TC2N: variants seen among roughly 807,000 people sequenced by gnomAD.
TC2N encodes tandem C2 domains nuclear protein.
TC2N carries 51 observed loss-of-function variants against 61.9 expected under a neutral mutation model. That is an observed-to-expected ratio of 0.82 (90% CI 0.66 to 1.04). The LOEUF is 1.04. TC2N is among the 50% of genes least tolerant of loss of function. The probability of loss-of-function intolerance (pLI) is 0.00; values close to 1 mark genes in which losing one functional copy is unlikely to be tolerated. For synonymous variants in TC2N, 204 were observed against 192.6 expected, an observed-to-expected ratio of 1.06 and a Z score of -0.49; for missense variants, 556 against 566.7, an observed-to-expected ratio of 0.98 and a Z score of 0.19.
At chr14:91,816,976 CA>C (rs1423745301) in intron 1 of TC2N, among the ~76,000 whole-genome samples, 1 of 151,896 alleles carries the variant, frequency 6.6e-6, no homozygotes, top group African/African-American at 2.4e-5. Flanking sequence ...TCACTTTCTG[CA>C]TTTTCTTAGC....
At chr14:91,797,963 G>A (rs1380244720) in intron 7 of TC2N, 62 bp from the exon 8 acceptor site, 3 of 1,109,438 alleles carry the variant, frequency 2.7e-6, no homozygotes, top group Admixed American at 2.1e-5. Flanking sequence ...AACATTTGAT[G>A]TATTTCTTGA....
intron 1 of TC2N, among the ~76,000 whole-genome samples, chr14:91,843,043 T>A (rs1888194428): frequency 6.6e-6 from 1 of 152,104 alleles, no homozygotes; most frequent in South Asian, 2.1e-4. Context: ...CACTTAGGCC[T>A]TAAGAGACTT....
At chr14:91,856,797 A>G (rs988713923) in intron 1 of TC2N, among the ~76,000 whole-genome samples, 2 of 152,266 alleles carry the variant, frequency 1.3e-5, no homozygotes, top group South Asian at 2.1e-4. Flanking sequence ...GAGTGGCCAT[A>G]TACCCTGGCC....
Position 91,802,369 on chromosome 14 carries a change from G to T in TC2N, c.354C>A (p.Ser118=). ...ACACATCATAGCTAGGTCCGTGCTGGGATGAACTGGAAAGTTCTACCTTTC... is the reference window on the plus strand; with the variant it reads ...ACACATCATAGCTAGGTCCGTGCTGTGATGAACTGGAAAGTTCTACCTTTC... The part of the protein sequence containing the change: ...GDRKVELSSS[S]QHGPSYDVYN... The change falls in exon 4 of 12, where the codon TCC becomes TCA. Residue 118 remains serine, a synonymous_variant. Coordinates refer to ENST00000435962, the MANE Select transcript of TC2N (RefSeq NM_001128596.3). The T allele has an allele frequency of 6.2e-7, 1 of 1,612,492 alleles. No individual in the cohort carries two copies. Among genetic ancestry groups the T allele is most frequent in the African/African-American group, 1.3e-5 (1 of 74,918 alleles).
Position 91,799,026 on chromosome 14 carries a change from A to T in TC2N, c.600T>A (p.Ser200=), listed in dbSNP as rs199908493. Residue 200 remains serine, a synonymous_variant, in exon 6 of 12, where the codon TCT becomes TCA. Coordinates refer to ENST00000435962, the MANE Select transcript of TC2N (RefSeq NM_001128596.3). ...TACTCCCCTGAGAATTTTTCCTTGA[A>T]GAAGAACTACTGGGTACACTGGACA... ...DSLSSVPSSS[S]SRKNSQGSNR... 1 of 1,598,516 alleles carries T rather than the reference A, an allele frequency of 6.3e-7. No individual in the cohort carries two copies. The highest frequency in any genetic ancestry group is 8.5e-7 in the Non-Finnish European group (1 of 1,173,766).
chr14:91,844,591 G>A lies in TC2N; in HGVS notation c.-57+22671C>T, dbSNP rs367552936. ...ATCCTGGCCAACATGGTGAAACCCC[G>A]TCTCTACTAAAAATATAAAAATTAG... On this transcript the variant is annotated intron_variant, in intron 1 of 11. Coordinates refer to ENST00000435962, the MANE Select transcript of TC2N (RefSeq NM_001128596.3). Among the ~76,000 whole-genome samples, 12 of 151,804 alleles carry A rather than the reference G, an allele frequency of 7.9e-5. No individual in the cohort carries two copies. The East Asian group carries it at 1.8e-3, about 22-fold the overall frequency.
At chr14:91,813,676 T>C in intron 2 of TC2N, 27 bp downstream of exon 2, 1 of 1,495,980 alleles carries the variant, frequency 6.7e-7, no homozygotes, top group East Asian at 2.3e-5. Flanking sequence ...GCTACATAAA[T>C]GTTACTGAAG....
chr14:91,785,180 T>C lies in TC2N; in HGVS notation c.1344A>G (p.Arg448=). ...IKLYSRSSVR[R]KHFVGQIWIS... is the part of the protein sequence containing the mutation. ...TACTAACCTGGCCCACAAAGTGTTT[T>C]CTTCTTACAGAGCTTCGACTGTAAA... Residue 448 remains arginine, a synonymous_variant, in exon 11 of 12, where the codon AGA becomes AGG. Transcript: ENST00000435962. 2 of 1,613,086 alleles carry C rather than the reference T, an allele frequency of 1.2e-6. No homozygotes were observed. Among genetic ancestry groups the C allele is most frequent in the East Asian group, 2.2e-5 (1 of 44,812 alleles).
intron 1 of TC2N, among the ~76,000 whole-genome samples, chr14:91,839,451 G>T (rs1888124659): frequency 6.6e-6 from 1 of 152,162 alleles, no homozygotes; most frequent in Admixed American, 6.5e-5. Context: ...CTACATCATA[G>T]CTGTGATTAC....
intron 3 of TC2N, among the ~76,000 whole-genome samples, chr14:91,807,880 C>T (rs752613136): frequency 1.4e-4 from 22 of 152,098 alleles, no homozygotes; most frequent in Non-Finnish European, 2.6e-4. Flanking sequence ...AATTGTAGCT[C>T]CCCTAATTCC....
At chr14:91,850,182 TA>T (rs34391681) in intron 1 of TC2N, among the ~76,000 whole-genome samples, 198 of 147,456 alleles carry the variant, frequency 1.3e-3, no homozygotes, top group African/African-American at 2.8e-3. Context: ...ATCTCTTTCC[TA>T]AAAAAAAAAA....
In TC2N at chr14:91,866,437, T is replaced by C. The variant is rs541149781; in HGVS notation, c.-57+825A>G. The C allele has an allele frequency of 2.4e-4, 37 of 152,300 alleles. 1 individual carries two copies. Among genetic ancestry groups the C allele is most frequent in the African/African-American group, 7.5e-4 (31 of 41,548 alleles). 9.4% of individuals were successfully genotyped at this position (152,300 alleles called of 1,614,324 possible). On this transcript the variant is annotated intron_variant, in intron 1 of 11. Transcript: ENST00000435962. ...CTCTGAAATTGCAGTGAAATGGAAA[T>C]GCTGGCTGTCATCCCCAAAGTACAT...
chr14:91,812,648 T>C lies in TC2N; in HGVS notation c.68-103A>G, dbSNP rs1309059483. ...ATTTATTTAACCATTTTAGAAGAAATTCCTGACACATAAACTACTCTTGGG... is the reference window on the plus strand; with the variant it reads ...ATTTATTTAACCATTTTAGAAGAAACTCCTGACACATAAACTACTCTTGGG... On this transcript the variant is annotated intron_variant, in intron 2 of 11. Coordinates refer to ENST00000435962, the MANE Select transcript of TC2N (RefSeq NM_001128596.3). 4 of 605,176 alleles carry C rather than the reference T, an allele frequency of 6.6e-6. No homozygotes were observed. In the Middle Eastern group the frequency reaches 9.2e-4, roughly 139 times the overall value. 37.5% of individuals were successfully genotyped at this position (605,176 alleles called of 1,614,324 possible). A position where few individuals can be genotyped will look rare whatever the true frequency, so the allele number is the denominator to read the frequency against.
At chr14:91,812,129 G>T (rs905186560) in intron 3 of TC2N, 183 bp downstream of exon 3, 4 of 260,540 alleles carry the variant, frequency 1.5e-5, no homozygotes, top group East Asian at 1.4e-4. Context: ...ATTGTATTAT[G>T]ATCAGATTTC....
chr14:91,787,588 C>T lies in TC2N; in HGVS notation c.1087G>A (p.Ala363Thr). 1 of 1,612,232 alleles carries T rather than the reference C, an allele frequency of 6.2e-7. No homozygotes were observed. Among genetic ancestry groups the T allele is most frequent in the Non-Finnish European group, 8.5e-7 (1 of 1,179,190 alleles). Residue 363 changes from alanine (A) to threonine (T), a missense_variant, in exon 10 of 12, where the codon GCA (alanine) becomes ACA (threonine). Physicochemically the swap from Ala to Thr is moderately conservative, Grantham distance 58 (BLOSUM62 0). Transcript: ENST00000435962. Reference sequence around the variant, plus strand: ...TGTAACTGAATTCTGCTATTTACTGCTTGAAAACAAGTCCCCAATTCAAGT... The same window carrying T: ...TGTAACTGAATTCTGCTATTTACTGTTTGAAAACAAGTCCCCAATTCAAGT... Reference protein sequence around the residue: ...AELELGTCFQAVNSRIQLQIL... With the variant: ...AELELGTCFQTVNSRIQLQIL...
chr14:91,793,496 G>T (rs1885756377), intron 8 of TC2N, among the ~76,000 whole-genome samples: 1 of 152,192 alleles, frequency 6.6e-6, no homozygotes, highest in Non-Finnish European at 1.5e-5. Context: ...AAGTCTATCA[G>T]TGTCGTTTTT....
At chr14:91,842,555 T>C (rs1392529254) in intron 1 of TC2N, among the ~76,000 whole-genome samples, 4 of 152,208 alleles carry the variant, frequency 2.6e-5, no homozygotes, top group African/African-American at 9.7e-5. Flanking sequence ...CAATAGTATG[T>C]CTGTCTATTA....
intron 7 of TC2N, 43 bp from the exon 8 acceptor site, chr14:91,797,944 A>C (rs1441015344): frequency 8.4e-7 from 1 of 1,197,010 alleles, no homozygotes. Context: ...CAAAGGATCC[A>C]ACAATACAAA....
chr14:91,818,620 AG>A (rs1887109946), intron 1 of TC2N, among the ~76,000 whole-genome samples: 1 of 152,146 alleles, frequency 6.6e-6, no homozygotes, highest in Non-Finnish European at 1.5e-5. Flanking sequence ...AAGGCAGTTG[AG>A]GACACTAAAA....
Sources: allele counts gnomAD v4.1 joint callset (sites outside exome capture counted in the v4.1 genomes callset), GRCh38; gene constraint gnomAD v4.1.1; transcripts MANE v1.5; gene names NCBI Gene and HGNC (gene_info 2026-07-23, HGNC 2026-07-21).